ARHGAP22: variants seen among roughly 807,000 people sequenced by gnomAD.
ARHGAP22 encodes the protein Rho GTPase activating protein 22.
A neutral mutation model predicts 59.1 loss-of-function variants in ARHGAP22; 48 were observed. The observed-to-expected ratio is 0.81, with a 90% CI of 0.64 to 1.03. The LOEUF (loss-of-function observed/expected upper bound fraction) is 1.03. Ranked by LOEUF, ARHGAP22 falls within the 50% of genes least tolerant of loss-of-function variation. The probability of loss-of-function intolerance (pLI) is 0.00; values close to 1 mark genes in which losing one functional copy is unlikely to be tolerated. For missense variants in ARHGAP22, 1,015 were observed against 958.7 expected, an observed-to-expected ratio of 1.06 and a Z score of -0.78; for synonymous variants, 445 against 416.4, an observed-to-expected ratio of 1.07 and a Z score of -0.84.
At chr10:48,518,376 G>T (rs1372089673) in intron 3 of ARHGAP22, among the ~76,000 whole-genome samples, 1 of 152,186 alleles carries the variant, frequency 6.6e-6, no homozygotes, top group Non-Finnish European at 1.5e-5. Flanking sequence ...CTTAGTGAGG[G>T]AACAGATTGT....
At chr10:48,537,669 C>A (rs977227946) in intron 3 of ARHGAP22, among the ~76,000 whole-genome samples, 5 of 152,210 alleles carry the variant, frequency 3.3e-5, no homozygotes, top group African/African-American at 1.2e-4. Flanking sequence ...GTGGCGCACA[C>A]AGGGGGGAAG....
chr10:48,591,046 C>T (rs867454757), intron 1 of ARHGAP22, among the ~76,000 whole-genome samples: 19 of 152,282 alleles, frequency 1.2e-4, no homozygotes, highest in Middle Eastern at 3.4e-3. Context: ...GTGGCAGAGC[C>T]GGGATTCAAG....
chr10:48,513,835 A>G (rs1265069983), intron 3 of ARHGAP22, among the ~76,000 whole-genome samples: 1 of 152,246 alleles, frequency 6.6e-6, no homozygotes, highest in Non-Finnish European at 1.5e-5. Context: ...CTTACTAGAT[A>G]AAGTCTTCAA....
intron 4 of ARHGAP22, among the ~76,000 whole-genome samples, chr10:48,474,060 T>C (rs1311092956): frequency 6.6e-6 from 1 of 152,246 alleles, no homozygotes; most frequent in East Asian, 1.9e-4. Flanking sequence ...CTCTTAACAA[T>C]ATCAACTCTT....
At chr10:48,435,955 G>A in the ARHGAP22 span, 1 of 152,222 alleles carries the variant, frequency 6.6e-6, no homozygotes, top group Non-Finnish European at 1.5e-5. Context: ...CTAGAGTCTG[G>A]TCTTTCCCTT....
upstream of ARHGAP22, among the ~76,000 whole-genome samples, chr10:48,608,320 T>C (rs2060752286): frequency 6.6e-6 from 1 of 152,022 alleles, no homozygotes; most frequent in African/African-American, 2.4e-5. Context: ...TGCTCAAAGG[T>C]GTCCAGTAGA....
At chr10:48,491,244 A>C (rs1465306968) in intron 3 of ARHGAP22, among the ~76,000 whole-genome samples, 1 of 151,990 alleles carries the variant, frequency 6.6e-6, no homozygotes. Flanking sequence ...TGCTTTTGCC[A>C]GTTCTCAAGC....
chr10:48,483,942 G>A (rs2134130914), intron 3 of ARHGAP22, among the ~76,000 whole-genome samples: 1 of 152,296 alleles, frequency 6.6e-6, no homozygotes, highest in Middle Eastern at 3.4e-3. Flanking sequence ...TAGCCATAAA[G>A]TCTTTGACTA....
intron 9 of ARHGAP22, 21 bp downstream of exon 9, chr10:48,450,240 C>T (rs1179902687): frequency 1.2e-6 from 2 of 1,604,824 alleles, no homozygotes; most frequent in Admixed American, 1.7e-5. Context: ...TCACAGGAGG[C>T]TCCACGGGGC....
At chr10:48,624,935 G>C (rs1479681468) in intron 1 of ARHGAP22, 1 of 152,274 alleles carries the variant, frequency 6.6e-6, no homozygotes, top group Non-Finnish European at 1.5e-5. Flanking sequence ...CCTATGTAAG[G>C]TGGACAGTGA....
At chr10:48,491,104 G>A (rs2050346549) in intron 3 of ARHGAP22, among the ~76,000 whole-genome samples, 1 of 152,148 alleles carries the variant, frequency 6.6e-6, no homozygotes, top group Non-Finnish European at 1.5e-5. Flanking sequence ...AGACCTGGTA[G>A]AGGCCTGAAC....
intron 1 of ARHGAP22, among the ~76,000 whole-genome samples, chr10:48,617,214 T>C (rs949114211): frequency 2.0e-5 from 3 of 152,014 alleles, no homozygotes; most frequent in Non-Finnish European, 2.9e-5. Context: ...CAAATATTAT[T>C]AAAGCTAAAG....
chr10:48,457,177 G>A (rs536468066), intron 5 of ARHGAP22, among the ~76,000 whole-genome samples: 42 of 152,114 alleles, frequency 2.8e-4, no homozygotes, highest in African/African-American at 9.6e-4. Flanking sequence ...GGAACCCCCC[G>A]CCCACGCCAA....
chr10:48,433,823 T>C, the ARHGAP22 span, among the ~76,000 whole-genome samples: 30 of 152,348 alleles, frequency 2.0e-4, 1 homozygote, highest in Admixed American at 1.4e-3. Flanking sequence ...TTCAGCCCAT[T>C]TGGTTTCAGC....
At position 48,604,833 on chromosome 10, in the gene ARHGAP22, T is replaced by G. The variant is rs747664046; in HGVS notation, c.-37A>C. The G allele has an allele frequency of 3.0e-5, 48 of 1,613,982 alleles. No individual in the cohort carries two copies. The highest frequency in any genetic ancestry group is 4.0e-5 in the Non-Finnish European group (47 of 1,180,038). Reference sequence around the variant, plus strand: ...CGTCCGGCCAGCCCCGCAGGGCCGTTCATGCTGTCATCCACTTGCTTTTGC... The same window carrying G: ...CGTCCGGCCAGCCCCGCAGGGCCGTGCATGCTGTCATCCACTTGCTTTTGC... On this transcript the variant is annotated 5_prime_UTR_variant, in exon 1 of 10. The change abolishes the stop of an existing upstream ORF in the 5' untranslated region. Coordinates refer to ENST00000249601, the MANE Select transcript of ARHGAP22 (RefSeq NM_021226.4).
At chr10:48,470,767 C>T (rs1039343269) in intron 4 of ARHGAP22, among the ~76,000 whole-genome samples, 1 of 152,214 alleles carries the variant, frequency 6.6e-6, no homozygotes, top group South Asian at 2.1e-4. Flanking sequence ...CTGGAAAAGC[C>T]CAGGCCCACT....
At chr10:48,526,011 T>C (rs1471671886) in intron 3 of ARHGAP22, among the ~76,000 whole-genome samples, 1 of 152,232 alleles carries the variant, frequency 6.6e-6, no homozygotes, top group Non-Finnish European at 1.5e-5. Context: ...CATGTAAGGT[T>C]CTTTGTCACC....
intron 3 of ARHGAP22, among the ~76,000 whole-genome samples, chr10:48,517,692 C>A (rs981639542): frequency 7.2e-5 from 11 of 152,244 alleles, no homozygotes; most frequent in Middle Eastern, 3.4e-3. Flanking sequence ...GTCGAGCCCC[C>A]ACCCTCCAGC....
At chr10:48,500,532 T>C (rs974809171) in intron 3 of ARHGAP22, among the ~76,000 whole-genome samples, 1 of 151,814 alleles carries the variant, frequency 6.6e-6, no homozygotes, top group African/African-American at 2.4e-5. Flanking sequence ...GAGAGCCACA[T>C]GAGGAAAAAT....
Sources: allele counts gnomAD v4.1 joint callset (sites outside exome capture counted in the v4.1 genomes callset), GRCh38; gene constraint gnomAD v4.1.1; transcripts MANE v1.5; gene names NCBI Gene and HGNC (gene_info 2026-07-23, HGNC 2026-07-21).